PCDH15: variants seen among roughly 807,000 people sequenced by gnomAD.
The protein encoded by PCDH15 is protocadherin related 15.
PCDH15 carries 129 observed loss-of-function variants against 178.5 expected under a neutral mutation model. The observed-to-expected ratio is 0.72, with a 90% CI of 0.63 to 0.84. The LOEUF is 0.84. Ranked by LOEUF, PCDH15 falls within the 40% of genes least tolerant of loss-of-function variation. The probability of loss-of-function intolerance (pLI) is 0.00; values close to 1 mark genes in which losing one functional copy is unlikely to be tolerated. For synonymous variants in PCDH15, 800 were observed against 732.0 expected, an observed-to-expected ratio of 1.09 and a Z score of -1.50; for missense variants, 2,230 against 2,099.9, an observed-to-expected ratio of 1.06 and a Z score of -1.21.
chr10:54,238,629 A>C (rs2054878325), intron 8 of PCDH15, among the ~76,000 whole-genome samples: 1 of 147,804 alleles, frequency 6.8e-6, no homozygotes. Context: ...CTTAAAACGC[A>C]ACTCTCACTG....
chr10:54,298,677 G>A (rs2059949692), intron 8 of PCDH15, among the ~76,000 whole-genome samples: 1 of 152,180 alleles, frequency 6.6e-6, no homozygotes, highest in African/African-American at 2.4e-5. Context: ...AGGGTGCCTG[G>A]GGCAAGTGCC....
At chr10:54,406,637 A>T (rs1952703331) in intron 3 of PCDH15, among the ~76,000 whole-genome samples, 1 of 152,114 alleles carries the variant, frequency 6.6e-6, no homozygotes, top group South Asian at 2.1e-4. Context: ...TTCCACTAAC[A>T]CTTCACAGGA....
rs114283993 is a variant in PCDH15, at chr10:54,124,946, T to C, written c.1917+7929A>G. Among the ~76,000 whole-genome samples the C allele has an allele frequency of 6.9e-3, 1,058 of 152,322 alleles. 4 individuals are homozygous for C. Among genetic ancestry groups the C allele is most frequent in the African/African-American group, 0.019 (801 of 41,584 alleles). On this transcript the variant is annotated intron_variant, in intron 15 of 37. Coordinates refer to ENST00000644397, the MANE Select transcript of PCDH15 (RefSeq NM_001384140.1). ...TCAAACTGTTTTGGAACAAGATCAATTCTGTAGTGAGATCAAGGCAGCAGA... is the reference window on the plus strand; with the variant it reads ...TCAAACTGTTTTGGAACAAGATCAACTCTGTAGTGAGATCAAGGCAGCAGA...
At chr10:54,224,852 C>A (rs1301894870) in intron 9 of PCDH15, among the ~76,000 whole-genome samples, 2 of 152,044 alleles carry the variant, frequency 1.3e-5, no homozygotes, top group African/African-American at 4.8e-5. Flanking sequence ...CTTTGTCCTG[C>A]TTTTACAGCT....
chr10:55,278,604 G>C (rs1842653032), intron 1 of PCDH15, among the ~76,000 whole-genome samples: 1 of 152,092 alleles, frequency 6.6e-6, no homozygotes, highest in Admixed American at 6.6e-5. Flanking sequence ...TCAACAGTAG[G>C]ATTAGCTTCA....
intron 2 of PCDH15, among the ~76,000 whole-genome samples, chr10:54,615,128 A>G (rs754840004): frequency 3.9e-5 from 6 of 152,106 alleles, no homozygotes; most frequent in Non-Finnish European, 7.4e-5. Flanking sequence ...ATTACCTAAA[A>G]TAATAACTAT....
chr10:54,147,480 GAT>G (rs757281647), intron 14 of PCDH15, among the ~76,000 whole-genome samples: 7 of 151,748 alleles, frequency 4.6e-5, no homozygotes, highest in Non-Finnish European at 1.0e-4. Flanking sequence ...GAAAATCAAT[GAT>G]ATGTCTTACA....
chr10:54,446,243 T>C (rs1384165496), intron 3 of PCDH15, among the ~76,000 whole-genome samples: 1 of 151,684 alleles, frequency 6.6e-6, no homozygotes. Flanking sequence ...AAATTTTCTG[T>C]TATGAAGGTT....
chr10:54,417,805 T>A (rs1954662929), intron 3 of PCDH15, among the ~76,000 whole-genome samples: 1 of 152,216 alleles, frequency 6.6e-6, no homozygotes, highest in African/African-American at 2.4e-5. Flanking sequence ...TATTTGATCA[T>A]TCACAATGCT....
chr10:55,056,880 C>T (rs1025547312), intron 2 of PCDH15, among the ~76,000 whole-genome samples: 3 of 151,930 alleles, frequency 2.0e-5, no homozygotes, highest in South Asian at 4.1e-4. Flanking sequence ...GCAGTCCACC[C>T]GCCTCAACCT....
chr10:54,516,897 G>A (rs2082285870), intron 3 of PCDH15, among the ~76,000 whole-genome samples: 1 of 152,106 alleles, frequency 6.6e-6, no homozygotes, highest in Admixed American at 6.5e-5. Context: ...GAGAGTGGGG[G>A]CCAATATTCA....
At chr10:54,400,172 G>A (rs1199372112) in intron 3 of PCDH15, among the ~76,000 whole-genome samples, 1 of 152,058 alleles carries the variant, frequency 6.6e-6, no homozygotes, top group African/African-American at 2.4e-5. Context: ...CAGAGTAGGA[G>A]ATAAAGTATT....
chr10:55,083,439 C>T (rs1240665281), intron 2 of PCDH15, among the ~76,000 whole-genome samples: 1 of 151,708 alleles, frequency 6.6e-6, no homozygotes, highest in Non-Finnish European at 1.5e-5. Context: ...ATGAGAGACT[C>T]ACAGGTAGCA....
At chr10:55,536,585 G>A (rs1297553761) in intron 2 of PCDH15, among the ~76,000 whole-genome samples, 2 of 152,026 alleles carry the variant, frequency 1.3e-5, no homozygotes, top group Non-Finnish European at 2.9e-5. Flanking sequence ...ACGCATACAA[G>A]CATTTGGAAA....
chr10:54,659,753 CA>C (rs35761213), intron 2 of PCDH15, among the ~76,000 whole-genome samples: 73 of 111,474 alleles, frequency 6.5e-4, no homozygotes, highest in East Asian at 2.0e-3. Flanking sequence ...GACCCTGTCT[CA>C]AAAAAAAAAA....
chr10:54,868,734 T>C (rs1329081506), intron 3 of PCDH15, among the ~76,000 whole-genome samples: 3 of 152,162 alleles, frequency 2.0e-5, no homozygotes, highest in Admixed American at 1.3e-4. Context: ...AGAGTCAATA[T>C]AGATTAGTAG....
intron 2 of PCDH15, among the ~76,000 whole-genome samples, chr10:55,578,452 C>A (rs1842538544): frequency 6.6e-6 from 1 of 152,118 alleles, no homozygotes; most frequent in African/African-American, 2.4e-5. Context: ...ATCTGCTGAC[C>A]TCACGATGCG....
At chr10:54,635,623 G>A (rs1232095494) in intron 2 of PCDH15, among the ~76,000 whole-genome samples, 2 of 151,772 alleles carry the variant, frequency 1.3e-5, no homozygotes, top group East Asian at 3.9e-4. Context: ...GTATTAGTTA[G>A]GATAGGCAAT....
At chr10:55,379,104 A>G (rs1349727889) in intron 2 of PCDH15, among the ~76,000 whole-genome samples, 1 of 151,398 alleles carries the variant, frequency 6.6e-6, no homozygotes, top group Non-Finnish European at 1.5e-5. Flanking sequence ...AGGCACATAC[A>G]TTGATATATA....
Sources: allele counts gnomAD v4.1 joint callset (sites outside exome capture counted in the v4.1 genomes callset), GRCh38; gene constraint gnomAD v4.1.1; transcripts MANE v1.5; gene names NCBI Gene and HGNC (gene_info 2026-07-23, HGNC 2026-07-21).